Variants in EDIL3 observed in about 807,000 individuals in gnomAD.
EDIL3 encodes the protein EGF like and discoidin domains 3, also known as EGF-like repeat and discoidin I-like domain-containing protein 3.
In EDIL3, 37 loss-of-function variants were observed where a neutral mutation model predicts 67.4. The observed-to-expected ratio is 0.55, with a 90% CI of 0.42 to 0.72. The LOEUF is 0.72. Among genes scored for constraint, EDIL3 ranks in the 30% least tolerant of loss-of-function variants. EDIL3 has a pLI of 0.00. For synonymous variants in EDIL3, 195 were observed against 196.3 expected, an observed-to-expected ratio of 0.99 and a Z score of 0.05; for missense variants, 527 against 586.3, an observed-to-expected ratio of 0.90 and a Z score of 1.04.
At chr5:84,167,166 A>G (rs1245600064) in intron 4 of EDIL3, among the ~76,000 whole-genome samples, 2 of 152,072 alleles carry the variant, frequency 1.3e-5, no homozygotes, top group Non-Finnish European at 2.9e-5. Flanking sequence ...AATCATTAGG[A>G]GCACGTCATA....
chr5:84,071,334 C>A (rs373171228), intron 6 of EDIL3, among the ~76,000 whole-genome samples: 96 of 152,240 alleles, frequency 6.3e-4, no homozygotes, highest in Admixed American at 1.2e-3. Context: ...GTATTAATAA[C>A]AAATTCTCTA....
chr5:84,212,059 C>T (rs1316721288), intron 3 of EDIL3, among the ~76,000 whole-genome samples: 1 of 152,168 alleles, frequency 6.6e-6, no homozygotes, highest in Non-Finnish European at 1.5e-5. Flanking sequence ...CCCCACTTTG[C>T]TCTCTTGCTC....
chr5:84,324,129 C>A (rs150414823), intron 1 of EDIL3, among the ~76,000 whole-genome samples: 89 of 151,980 alleles, frequency 5.9e-4, no homozygotes, highest in Middle Eastern at 3.4e-3. Flanking sequence ...CTCCTCACAT[C>A]CACATGGGAC....
In EDIL3 at chr5:84,007,727, A is replaced by C. The variant is rs541811494; in HGVS notation, c.1138-44367T>G. 1.2e-4 allele frequency among the ~76,000 whole-genome samples: 18 copies of C among 152,280 alleles called. No homozygotes were observed. In the South Asian group the frequency reaches 3.7e-3, roughly 32 times the overall value. ...TTGGAGAACAGTATGGAGATTCTTCAAAAAACTAAAATAGAACTACCATAT... is the reference window on the plus strand; with the variant it reads ...TTGGAGAACAGTATGGAGATTCTTCCAAAAACTAAAATAGAACTACCATAT... On this transcript the variant is annotated intron_variant, in intron 9 of 10. Transcript: ENST00000296591.
chr5:84,217,889 T>G (rs947030160), intron 3 of EDIL3, among the ~76,000 whole-genome samples: 1 of 152,194 alleles, frequency 6.6e-6, no homozygotes, highest in African/African-American at 2.4e-5. Flanking sequence ...TATTACTTTT[T>G]TAACTTTGAT....
rs1412707499 is a variant in EDIL3, at chr5:84,305,857, C to T, written c.68-51645G>A. On this transcript the variant is annotated intron_variant, in intron 1 of 10. Transcript: ENST00000296591. ...TCATGCCATTGCACTCCAGCCTGAGCGACAGAGCAAGACTTGGTCTTAAAA... is the reference window on the plus strand; with the variant it reads ...TCATGCCATTGCACTCCAGCCTGAGTGACAGAGCAAGACTTGGTCTTAAAA... 4.6e-5 allele frequency among the ~76,000 whole-genome samples: 7 copies of T among 151,040 alleles called. No individual in the cohort carries two copies. In the East Asian group the frequency reaches 5.8e-4, roughly 13 times the overall value.
intron 1 of EDIL3, among the ~76,000 whole-genome samples, chr5:84,286,278 T>C (rs773712042): frequency 2.6e-5 from 4 of 152,126 alleles, no homozygotes; most frequent in Non-Finnish European, 5.9e-5. Context: ...CCCCATTCTA[T>C]ATATTTAGAG....
At chr5:83,968,263 C>G (rs1274678156) in intron 9 of EDIL3, among the ~76,000 whole-genome samples, 1 of 151,976 alleles carries the variant, frequency 6.6e-6, no homozygotes, top group East Asian at 1.9e-4. Flanking sequence ...CTGATTTGAT[C>G]TAGTTCTGAT....
intron 9 of EDIL3, among the ~76,000 whole-genome samples, chr5:84,046,891 A>G (rs1391475216): frequency 2.0e-5 from 3 of 152,204 alleles, no homozygotes; most frequent in African/African-American, 7.2e-5. Flanking sequence ...AATGGTTTCA[A>G]TACCACTTCT....
At chr5:84,189,002 A>C (rs1580368410) in intron 3 of EDIL3, among the ~76,000 whole-genome samples, 1 of 151,976 alleles carries the variant, frequency 6.6e-6, no homozygotes, top group Non-Finnish European at 1.5e-5. Context: ...GCACTATTTC[A>C]CCCGCCTTAT....
chr5:84,014,254 A>T (rs1399297498), intron 9 of EDIL3, among the ~76,000 whole-genome samples: 1 of 152,208 alleles, frequency 6.6e-6, no homozygotes, highest in African/African-American at 2.4e-5. Flanking sequence ...ACAGAAATTT[A>T]TATCATTGTC....
intron 3 of EDIL3, among the ~76,000 whole-genome samples, chr5:84,201,095 C>T (rs1743822333): frequency 1.3e-5 from 2 of 151,916 alleles, no homozygotes; most frequent in African/African-American, 2.4e-5. Flanking sequence ...AATAAATAAT[C>T]GTGAACATAA....
chr5:84,002,194 A>G (rs1186542472), intron 9 of EDIL3, among the ~76,000 whole-genome samples: 1 of 152,172 alleles, frequency 6.6e-6, no homozygotes, highest in Non-Finnish European at 1.5e-5. Flanking sequence ...TGATTAGTTC[A>G]ATTAATGCTA....
intron 6 of EDIL3, among the ~76,000 whole-genome samples, chr5:84,076,937 A>G (rs752042140): frequency 1.8e-4 from 28 of 152,360 alleles, no homozygotes; most frequent in Non-Finnish European, 3.7e-4. Flanking sequence ...CAATGGTCAC[A>G]TTTCAGTACT....
intron 4 of EDIL3, among the ~76,000 whole-genome samples, chr5:84,143,946 C>T (rs184176886): frequency 7.0e-4 from 106 of 152,090 alleles, no homozygotes; most frequent in Admixed American, 1.4e-3. Context: ...ATGTACTGTA[C>T]CAGTGAGTCC....
At chr5:84,117,028 T>TA (rs1561436239) in intron 5 of EDIL3, among the ~76,000 whole-genome samples, 7 of 129,670 alleles carry the variant, frequency 5.4e-5, no homozygotes, top group Admixed American at 5.4e-4. Flanking sequence ...TTATTTTTTT[T>TA]TTTTTTTTTT....
At chr5:84,175,929 C>T (rs1024782261) in intron 4 of EDIL3, among the ~76,000 whole-genome samples, 4 of 151,682 alleles carry the variant, frequency 2.6e-5, no homozygotes, top group Admixed American at 1.3e-4. Context: ...AGACAAAGCA[C>T]GTAATTGCCA....
chr5:84,098,433 A>T (rs1421729904), intron 6 of EDIL3, among the ~76,000 whole-genome samples: 1 of 152,162 alleles, frequency 6.6e-6, no homozygotes, highest in Non-Finnish European at 1.5e-5. Flanking sequence ...AAACTCTGGT[A>T]TATCATTTGA....
intron 1 of EDIL3, among the ~76,000 whole-genome samples, chr5:84,255,736 C>T (rs562075908): frequency 6.6e-6 from 1 of 152,014 alleles, no homozygotes; most frequent in Admixed American, 6.5e-5. Flanking sequence ...AAATATAAAC[C>T]AAGTCATTAG....
Sources: allele counts gnomAD v4.1 joint callset (sites outside exome capture counted in the v4.1 genomes callset), GRCh38; gene constraint gnomAD v4.1.1; transcripts MANE v1.5; gene names NCBI Gene and HGNC (gene_info 2026-07-23, HGNC 2026-07-21).